The following TBX5 variants were observed in gnomAD, a reference collection of about 807,000 sequenced individuals.
The protein encoded by TBX5 is T-box transcription factor TBX5.
A neutral mutation model predicts 51.1 loss-of-function variants in TBX5; 8 were observed. The ratio of observed to expected loss-of-function variants is 0.16; its 90% confidence interval spans 0.09 to 0.28. The LOEUF is 0.28. Among genes scored for constraint, TBX5 ranks in the 10% least tolerant of loss-of-function variants. The probability of loss-of-function intolerance (pLI) is 1.00; values close to 1 mark genes in which losing one functional copy is unlikely to be tolerated. For synonymous variants in TBX5, 302 were observed against 266.4 expected (o/e 1.13, Z -1.30); for missense variants, 589 against 671.7 (o/e 0.88, Z 1.36).
chr12:114,387,394 T>G (rs940748151), intron 6 of TBX5, among the ~76,000 whole-genome samples: 1 of 152,192 alleles, frequency 6.6e-6, no homozygotes, highest in Non-Finnish European at 1.5e-5. Context: ...GTATTCACCA[T>G]AAAAAATATA....
chr12:114,398,304 T>G (rs145804626), intron 5 of TBX5, among the ~76,000 whole-genome samples: 1 of 149,848 alleles, frequency 6.7e-6, no homozygotes, highest in Non-Finnish European at 1.5e-5. Context: ...GATGAAATAG[T>G]AGGAAGAAAA....
chr12:114,388,587 C>T (rs970215202), intron 6 of TBX5, among the ~76,000 whole-genome samples: 8 of 152,072 alleles, frequency 5.3e-5, no homozygotes, highest in Admixed American at 3.3e-4. Flanking sequence ...GAGTGATCCT[C>T]CCACCTTGGC....
chr12:114,399,389 G>C (rs1037758331), intron 4 of TBX5, 124 bp downstream of exon 4: 25 of 1,374,816 alleles, frequency 1.8e-5, no homozygotes, highest in Non-Finnish European at 2.4e-5. Flanking sequence ...TAGGCGGACA[G>C]ACGCCTTTAG....
intron 7 of TBX5, among the ~76,000 whole-genome samples, chr12:114,370,998 T>C (rs924492619): frequency 2.0e-5 from 3 of 151,892 alleles, no homozygotes; most frequent in African/African-American, 7.3e-5. Flanking sequence ...GTGATAAAAG[T>C]CCCCATAAGC....
intron 5 of TBX5, among the ~76,000 whole-genome samples, chr12:114,395,767 CA>C (rs1180791187): frequency 6.6e-6 from 1 of 152,096 alleles, no homozygotes; most frequent in African/African-American, 2.4e-5. Context: ...TTCCCAGGGA[CA>C]AGAGGGGTCC....
chr12:114,373,761 G>C (rs1041061507), intron 7 of TBX5, among the ~76,000 whole-genome samples: 9 of 152,284 alleles, frequency 5.9e-5, no homozygotes, highest in Non-Finnish European at 8.8e-5. Context: ...CCAGCCTCAA[G>C]CTAAACTTTT....
rs1323135083 is a variant in TBX5, at chr12:114,355,891, T to C, written c.1198A>G (p.Thr400Ala). ...CTGTAGGAAGGCATGCTTGGCCACG[T>C]GTTGCAGCTGATGTCCTCTAGGCTG... ...VPSLEDISCN[T>A]WPSMPSYSSC... The change falls in exon 9 of 9, where the codon ACG (threonine) becomes GCG (alanine). Residue 400 changes from threonine to alanine, a missense_variant. By Grantham distance (58) the Thr-to-Ala change is moderately conservative. Transcript: ENST00000405440. 2 of 1,613,638 alleles carry C rather than the reference T, an allele frequency of 1.2e-6. No individual in the cohort carries two copies. The highest frequency in any genetic ancestry group is 1.7e-6 in the Non-Finnish European group (2 of 1,180,028).
chr12:114,357,932 G>A (rs1051386987), intron 8 of TBX5, among the ~76,000 whole-genome samples: 2 of 152,202 alleles, frequency 1.3e-5, no homozygotes, highest in Admixed American at 6.5e-5. Flanking sequence ...ACTAAATAAC[G>A]AGAGGAAATG....
At chr12:114,382,018 C>A (rs1870531665) in intron 7 of TBX5, among the ~76,000 whole-genome samples, 1 of 152,228 alleles carries the variant, frequency 6.6e-6, no homozygotes. Flanking sequence ...GACACCTAGT[C>A]CAGGCCTCAA....
At chr12:114,382,070 C>G (rs774444403) in intron 7 of TBX5, among the ~76,000 whole-genome samples, 3 of 152,226 alleles carry the variant, frequency 2.0e-5, no homozygotes, top group Non-Finnish European at 4.4e-5. Context: ...ACAGCCAATT[C>G]AGGCCAAAGA....
rs545238608 is a variant in TBX5 at position 114,379,996 on chromosome 12, C to T, written c.755+5480G>A. Among the ~76,000 whole-genome samples the T allele has an allele frequency of 2.0e-5, 3 of 152,168 alleles. No individual in the cohort carries two copies. In the South Asian group the frequency reaches 6.2e-4, roughly 31 times the overall value. ...TCTCCTCATACCTGTCATAGAGTCA[C>T]TCCAGCTGGCTTTCAGAGATCTTCA... is the stretch of plus-strand genomic sequence containing the variant. On this transcript the variant is annotated intron_variant, in intron 7 of 8. Coordinates refer to ENST00000405440, the MANE Select transcript of TBX5 (RefSeq NM_181486.4).
chr12:114,369,384 C>T (rs552461603), intron 7 of TBX5, among the ~76,000 whole-genome samples: 1 of 152,214 alleles, frequency 6.6e-6, no homozygotes, highest in Non-Finnish European at 1.5e-5. Context: ...TTGTCCCTCA[C>T]AGCTTGTTTC....
At position 114,385,382 on chromosome 12, in the gene TBX5, G is replaced by T. The variant is rs2277377; in HGVS notation, c.755+94C>A. On this transcript the variant is annotated intron_variant, in intron 7 of 8. Transcript: ENST00000405440. ...GTGCCTGGCATTCTACGGGCAGGAA[G>T]GCTGGTGGAGGGAGGTGCTGGGTTG... 267,836 of 1,023,150 alleles carry T rather than the reference G, an allele frequency of 0.26. 37,530 individuals are homozygous for T. The highest frequency in any genetic ancestry group is 0.31 in the Middle Eastern group (1,526 of 4,880). The allele number at this position is 1,023,150 out of a possible 1,614,324, so 63.4% of individuals were successfully genotyped here. A position where few individuals can be genotyped will look rare whatever the true frequency, so the allele number is the denominator to read the frequency against.
intron 7 of TBX5, among the ~76,000 whole-genome samples, chr12:114,370,297 G>T (rs1201733817): frequency 2.4e-5 from 3 of 122,450 alleles, no homozygotes; most frequent in East Asian, 4.4e-4. Context: ...AGAAAGAAAA[G>T]AAAAGAAAAG....
Position 114,365,847 on chromosome 12 carries a change from A to AG in TBX5, c.982+317_982+318insC, listed in dbSNP as rs1436440239. On this transcript the variant is annotated intron_variant, in intron 8 of 8. Transcript: ENST00000405440. The stretch of plus-strand genomic sequence containing the variant: ...CCTGTCTCAAAAAAAAAAAAAAAAG[A>AG]AAAAAAAAAGTAAAAATAAATCTAG... Among the ~76,000 whole-genome samples the AG allele has an allele frequency of 3.4e-5, 5 of 145,826 alleles. No homozygotes were observed. The East Asian group carries it at 9.8e-4, about 29-fold the overall frequency.
At chr12:114,374,094 C>A (rs976127624) in intron 7 of TBX5, among the ~76,000 whole-genome samples, 1 of 152,230 alleles carries the variant, frequency 6.6e-6, no homozygotes, top group South Asian at 2.1e-4. Context: ...TCCTGGTGAC[C>A]TTCGCTTCTG....
intron 7 of TBX5, among the ~76,000 whole-genome samples, chr12:114,366,719 T>C (rs1362436362): frequency 6.6e-6 from 1 of 152,228 alleles, no homozygotes; most frequent in Non-Finnish European, 1.5e-5. Flanking sequence ...TATGTCAATT[T>C]AGTCTATGTA....
intron 6 of TBX5, among the ~76,000 whole-genome samples, chr12:114,387,291 C>G (rs1031049134): frequency 6.6e-6 from 1 of 152,180 alleles, no homozygotes; most frequent in African/African-American, 2.4e-5. Flanking sequence ...GAATTCTTAT[C>G]TATTCTGCCT....
chr12:114,403,638 T>G, intron 2 of TBX5, 114 bp downstream of exon 2: 12 of 1,448,860 alleles, frequency 8.3e-6, no homozygotes, highest in African/African-American at 1.4e-5. Flanking sequence ...GTTGGGTTCG[T>G]TTTGGGGTTT....
Sources: allele counts gnomAD v4.1 joint callset (sites outside exome capture counted in the v4.1 genomes callset), GRCh38; gene constraint gnomAD v4.1.1; transcripts MANE v1.5; gene names NCBI Gene and HGNC (gene_info 2026-07-23, HGNC 2026-07-21).